Variants in RP1 observed in about 807,000 individuals in gnomAD.
RP1 encodes RP1 axonemal microtubule associated, also known as oxygen-regulated protein 1.
A neutral mutation model predicts 14.8 loss-of-function variants in RP1; 16 were observed. That is an observed-to-expected ratio of 1.08 (90% CI 0.73 to 1.65). The LOEUF (loss-of-function observed/expected upper bound fraction) is 1.65. Ranked by LOEUF, RP1 falls within the 40% of genes most tolerant of loss-of-function variation. RP1 has a pLI of 0.00. For synonymous variants in RP1, 876 were observed against 883.6 expected (o/e 0.99, Z 0.15); for missense variants, 2,631 against 2,535.0 (o/e 1.04, Z -0.81).
chr8:54,716,638 T>C (rs1339241961), intron 15 of RP1, among the ~76,000 whole-genome samples: 4 of 152,192 alleles, frequency 2.6e-5, no homozygotes, highest in African/African-American at 9.6e-5. Context: ...GGGCAGCTTG[T>C]AGCAAATCCA....
At position 54,627,073 on chromosome 8, in the gene RP1, G is replaced by A. The variant is rs1250111653; in HGVS notation, c.3191G>A (p.Ser1064Asn). ...ATAAACCTAGCTAGAAAAAGGCAAA[G>A]TGTAGAGGCTGCCATTCAAGTAGAT... ...QEINLARKRQ[S>N]VEAAIQVDPI... Residue 1064 changes from serine to asparagine, a missense_variant, in exon 4 of 4, where the codon AGT becomes AAT. Transcript: ENST00000220676. The A allele has an allele frequency of 1.9e-6, 3 of 1,614,032 alleles. No individual in the cohort carries two copies. The highest frequency in any genetic ancestry group is 2.2e-5 in the East Asian group (1 of 44,872).
chr8:54,574,232 C>T (rs1219522003), intron 1 of RP1, among the ~76,000 whole-genome samples: 1 of 152,120 alleles, frequency 6.6e-6, no homozygotes, highest in African/African-American at 2.4e-5. Context: ...TGGTAGTGTA[C>T]ATATCATGAT....
chr8:54,586,686 T>C (rs889434362), intron 1 of RP1, among the ~76,000 whole-genome samples: 2 of 152,196 alleles, frequency 1.3e-5, no homozygotes, highest in African/African-American at 4.8e-5. Flanking sequence ...ACTCAAGCCT[T>C]GGCAATGGTT....
chr8:54,832,120 G>A (rs1467641278), intron 24 of RP1, among the ~76,000 whole-genome samples: 1 of 151,598 alleles, frequency 6.6e-6, no homozygotes, highest in Non-Finnish European at 1.5e-5. Context: ...CTTACTAGGT[G>A]TGATTTTCTT....
chr8:54,684,160 G>A (rs767332782), intron 12 of RP1, among the ~76,000 whole-genome samples: 30 of 151,994 alleles, frequency 2.0e-4, no homozygotes, highest in Non-Finnish European at 3.7e-4. Flanking sequence ...CAGGGACGAC[G>A]CCAACTTGAT....
chr8:54,780,251 T>A (rs1185540987), intron 23 of RP1, among the ~76,000 whole-genome samples: 1 of 152,244 alleles, frequency 6.6e-6, no homozygotes, highest in Non-Finnish European at 1.5e-5. Context: ...CAGGCTGGAT[T>A]TGGCCCATGG....
intron 1 of RP1, among the ~76,000 whole-genome samples, chr8:54,582,945 A>G (rs1432661507): frequency 2.6e-5 from 4 of 152,182 alleles, no homozygotes; most frequent in African/African-American, 9.7e-5. Context: ...TCATCTGGAA[A>G]CAGGGACAAT....
chr8:54,747,250 C>T (rs1809248364), intron 19 of RP1, among the ~76,000 whole-genome samples: 1 of 152,152 alleles, frequency 6.6e-6, no homozygotes, highest in Admixed American at 6.5e-5. Flanking sequence ...CATGTCCCCT[C>T]ATGTAATCTG....
intron 3 of RP1, among the ~76,000 whole-genome samples, chr8:54,640,959 CTT>C (rs34975591): frequency 2.0e-3 from 252 of 128,340 alleles, no homozygotes; most frequent in African/African-American, 6.7e-3. Flanking sequence ...TATAAATCTC[CTT>C]TTTTTTTTTT....
intron 24 of RP1, among the ~76,000 whole-genome samples, chr8:54,819,529 T>C (rs765441787): frequency 6.6e-6 from 1 of 152,104 alleles, no homozygotes; most frequent in Non-Finnish European, 1.5e-5. Context: ...TGTAGATGAT[T>C]GTTGACGTCT....
Position 54,621,123 on chromosome 8 carries a change from G to A in RP1, c.157G>A (p.Val53Met), listed in dbSNP as rs1412886343. Reference sequence around the variant, plus strand: ...AGACCCCCAATTCGGCGGGGTCAGGGTGGTGGTCAACCCTCGCTCCTTTAA... The same window carrying A: ...AGACCCCCAATTCGGCGGGGTCAGGATGGTGGTCAACCCTCGCTCCTTTAA... ...SGDPQFGGVRVVVNPRSFKSF... is the reference protein window; with the variant it reads ...SGDPQFGGVRMVVNPRSFKSF... Residue 53 changes from valine to methionine, a missense_variant, in exon 2 of 4, where the codon GTG becomes ATG. Val to Met is a conservative substitution (Grantham distance 21, BLOSUM62 1). Coordinates refer to ENST00000220676, the MANE Select transcript of RP1 (RefSeq NM_006269.2). 6.2e-7 allele frequency: 1 copy of A among 1,614,070 alleles called. No individual in the cohort carries two copies. Among genetic ancestry groups the A allele is most frequent in the East Asian group, 2.2e-5 (1 of 44,894 alleles).
chr8:54,670,908 T>G (rs541068662), intron 7 of RP1, among the ~76,000 whole-genome samples: 1 of 151,692 alleles, frequency 6.6e-6, no homozygotes, highest in African/African-American at 2.4e-5. Context: ...TGTTCTTGGC[T>G]TACCGCAAGC....
At chr8:54,801,712 T>C (rs1810712322) in intron 24 of RP1, among the ~76,000 whole-genome samples, 1 of 152,176 alleles carries the variant, frequency 6.6e-6, no homozygotes, top group South Asian at 2.1e-4. Flanking sequence ...ATGCTTCCCA[T>C]ATCCAGCCTT....
chr8:54,672,853 G>T (rs749669882), intron 7 of RP1, among the ~76,000 whole-genome samples: 1 of 152,072 alleles, frequency 6.6e-6, no homozygotes, highest in South Asian at 2.1e-4. Context: ...TTCATTATGC[G>T]TTTCTTCTCT....
At position 54,806,100 on chromosome 8, in the gene RP1, C is replaced by A. The variant is rs188159903; in HGVS notation, c.3615+22390C>A. On this transcript the variant is annotated intron_variant, in intron 24 of 28. Coordinates refer to the RP1 transcript ENST00000637698. ...GTGGTGCAATCTCGGCTCACTGCAA[C>A]CTTCGCCTCCCGGATTCAAGGGATG... 6.5e-4 allele frequency among the ~76,000 whole-genome samples: 99 copies of A among 152,190 alleles called. No homozygotes were observed. The East Asian group carries it at 0.017, about 26-fold the overall frequency.
chr8:54,752,718 T>G (rs1809406438), intron 19 of RP1, among the ~76,000 whole-genome samples: 1 of 152,158 alleles, frequency 6.6e-6, no homozygotes, highest in Non-Finnish European at 1.5e-5. Context: ...ACTCTCACAC[T>G]GGGACCATGT....
intron 3 of RP1, among the ~76,000 whole-genome samples, chr8:54,640,112 CTT>C (rs913258898): frequency 2.9e-5 from 4 of 140,300 alleles, no homozygotes; most frequent in Non-Finnish European, 3.1e-5. Context: ...CCATTTTGAG[CTT>C]TTTTTTTTTT....
At chr8:54,757,205 C>T (rs895292366) in intron 21 of RP1, among the ~76,000 whole-genome samples, 1 of 152,216 alleles carries the variant, frequency 6.6e-6, no homozygotes, top group Admixed American at 6.5e-5. Context: ...ATACCTGCCA[C>T]ATCTCACATC....
At chr8:54,761,055 T>C (rs1809626335) in intron 22 of RP1, among the ~76,000 whole-genome samples, 1 of 152,030 alleles carries the variant, frequency 6.6e-6, no homozygotes, top group Non-Finnish European at 1.5e-5. Flanking sequence ...TCAGAAGAGG[T>C]AGAGTGTGCT....
Sources: gnomAD v4.1 joint callset for allele counts (sites outside exome capture counted in the v4.1 genomes callset) on GRCh38, gnomAD v4.1.1 for gene constraint, MANE v1.5 for transcripts, NCBI Gene and HGNC (gene_info 2026-07-23, HGNC 2026-07-21) for gene names.